Variants in LGR4 observed in about 807,000 individuals in gnomAD.
The protein encoded by LGR4 is leucine-rich repeat-containing G protein-coupled receptor 4.
Under a neutral mutation model 84.8 loss-of-function variants are expected in LGR4, and 44 were observed. The observed-to-expected ratio is 0.52, with a 90% confidence interval of 0.41 to 0.67. LGR4 has a LOEUF of 0.67. Among genes scored for constraint, LGR4 ranks in the 30% least tolerant of loss-of-function variants. The probability of loss-of-function intolerance (pLI) is 0.00; values close to 1 mark genes in which losing one functional copy is unlikely to be tolerated. For synonymous variants in LGR4, 429 were observed against 434.3 expected (o/e 0.99, Z 0.15); for missense variants, 1,032 against 1,131.4 (o/e 0.91, Z 1.26).
intron 17 of LGR4, 94 bp from the exon 18 acceptor site, chr11:27,369,237 G>C: frequency 2.0e-6 from 2 of 996,334 alleles, no homozygotes; most frequent in Non-Finnish European, 2.8e-6. Context: ...TAATGATATA[G>C]ACTAATTAAA....
intron 1 of LGR4, among the ~76,000 whole-genome samples, chr11:27,449,403 C>A (rs1035993982): frequency 2.6e-5 from 4 of 151,852 alleles, no homozygotes; most frequent in African/African-American, 9.7e-5. Context: ...GGCAACACAG[C>A]GAGACACTGT....
chr11:27,383,555 A>T (rs1324013204), intron 6 of LGR4, among the ~76,000 whole-genome samples: 1 of 152,176 alleles, frequency 6.6e-6, no homozygotes, highest in Non-Finnish European at 1.5e-5. Context: ...GAAATAATAG[A>T]GTCCTAAAAG....
chr11:27,381,531 A>C (rs1030064660), intron 7 of LGR4, among the ~76,000 whole-genome samples: 1 of 152,070 alleles, frequency 6.6e-6, no homozygotes, highest in Admixed American at 6.5e-5. Context: ...AAAATTTAAC[A>C]ATTAGCTGGG....
Position 27,366,797 on chromosome 11 carries a change from T to C in LGR4, c.*1070A>G, listed in dbSNP as rs1289780924. Reference sequence around the variant, plus strand: ...ATTGAATAGGCTCTTTTATAAAAAATAGTATGGGGAAGATGTATGGAAATT... The same window carrying C: ...ATTGAATAGGCTCTTTTATAAAAAACAGTATGGGGAAGATGTATGGAAATT... On this transcript the variant is annotated 3_prime_UTR_variant, in exon 18 of 18. Transcript: ENST00000379214. 2 of 152,154 alleles carry C rather than the reference T, an allele frequency of 1.3e-5. No individual in the cohort carries two copies. The highest frequency in any genetic ancestry group is 2.9e-5 in the Non-Finnish European group (2 of 67,974). 9.4% of individuals were successfully genotyped at this position (152,154 alleles called of 1,614,324 possible).
At chr11:27,371,239 A>G (rs1862877350) in intron 17 of LGR4, among the ~76,000 whole-genome samples, 1 of 152,240 alleles carries the variant, frequency 6.6e-6, no homozygotes, top group South Asian at 2.1e-4. Flanking sequence ...AAGTTCAATG[A>G]AGTAAATGAG....
At position 27,472,549 on chromosome 11, in the gene LGR4, C is replaced by G. The variant is rs7946851; in HGVS notation, c.-247G>C. ...GCAGCCCCGCTCCTCCGGCGGCTCACGCCAGCCGGGCCGGCCCGGCGCAGC... is the reference window on the plus strand; with the variant it reads ...GCAGCCCCGCTCCTCCGGCGGCTCAGGCCAGCCGGGCCGGCCCGGCGCAGC... On this transcript the variant is annotated 5_prime_UTR_variant, in exon 1 of 18. Transcript: ENST00000379214. 334,367 of 382,998 alleles carry G rather than the reference C, an allele frequency of 0.87. 147,941 individuals carry two copies. Among genetic ancestry groups the G allele is most frequent in the Non-Finnish European group, 0.94 (203,157 of 216,198 alleles). 23.7% of individuals were successfully genotyped at this position (382,998 alleles called of 1,614,324 possible).
chr11:27,413,144 C>G (rs1306694022), intron 1 of LGR4, among the ~76,000 whole-genome samples: 1 of 152,026 alleles, frequency 6.6e-6, no homozygotes. Flanking sequence ...ATAAGTGGGC[C>G]AGGGTGGCTT....
chr11:27,446,051 C>A (rs904863630), intron 1 of LGR4, among the ~76,000 whole-genome samples: 24 of 152,264 alleles, frequency 1.6e-4, no homozygotes, highest in Middle Eastern at 3.4e-3. Context: ...ATGCAAGGCA[C>A]AAATATAACC....
rs1297671831 is a variant in LGR4 at position 27,472,087 on chromosome 11, C to G, written c.185+31G>C. 35 of 1,279,888 alleles carry G rather than the reference C, an allele frequency of 2.7e-5. 1 individual carries two copies. In the East Asian group the frequency reaches 4.3e-4, roughly 16 times the overall value. 79.3% of individuals were successfully genotyped at this position (1,279,888 alleles called of 1,614,324 possible). ...CCCCCGCTGGGCCCCGTTTCCTCCC[C>G]CCCCCTCGCGTCCCCGCCGCCCGCA... On this transcript the variant is annotated intron_variant, in intron 1 of 17. Transcript: ENST00000379214.
chr11:27,402,345 T>C (rs758910655), intron 2 of LGR4, among the ~76,000 whole-genome samples: 4 of 152,144 alleles, frequency 2.6e-5, no homozygotes, highest in Non-Finnish European at 5.9e-5. Context: ...GGTGCTTTCC[T>C]GTCTGAATAT....
chr11:27,413,164 C>G lies in LGR4; in HGVS notation c.186-304G>C, dbSNP rs565757727. Among the ~76,000 whole-genome samples the G allele has an allele frequency of 2.0e-5, 3 of 152,190 alleles. No individual in the cohort carries two copies. In the South Asian group the frequency reaches 6.2e-4, roughly 32 times the overall value. Reference sequence around the variant, plus strand: ...TGGGCCAGGGTGGCTTCCCAGTGCTCTGGTATTCACAGTACTACCTATACC... The same window carrying G: ...TGGGCCAGGGTGGCTTCCCAGTGCTGTGGTATTCACAGTACTACCTATACC... On this transcript the variant is annotated intron_variant, in intron 1 of 17. Transcript: ENST00000379214.
rs1862931426 is a variant in LGR4, at chr11:27,373,988, G to C, written c.1240C>G (p.Pro414Ala). The change falls in exon 14 of 18, where the codon CCA becomes GCA. Residue 414 changes from proline to alanine, a missense_variant. Physicochemically the swap from Pro to Ala is conservative, Grantham distance 27 (BLOSUM62 -1). Coordinates refer to ENST00000379214, the MANE Select transcript of LGR4 (RefSeq NM_018490.5). ...IHSRAFATLG[P>A]ITNLDVSFNE... ...TCATCCACTTACAGGTTAGTTATTGGCCCAAGTGTGGCAAAAGCTCTACTG... is the reference window on the plus strand; with the variant it reads ...TCATCCACTTACAGGTTAGTTATTGCCCCAAGTGTGGCAAAAGCTCTACTG... 1 of 1,609,136 alleles carries C rather than the reference G, an allele frequency of 6.2e-7. No individual in the cohort carries two copies. Among genetic ancestry groups the C allele is most frequent in the Non-Finnish European group, 8.5e-7 (1 of 1,175,780 alleles).
chr11:27,439,134 A>G (rs946765901), intron 1 of LGR4, among the ~76,000 whole-genome samples: 1 of 152,174 alleles, frequency 6.6e-6, no homozygotes, highest in Non-Finnish European at 1.5e-5. Context: ...TGTACAGTTC[A>G]GTAGCATCCA....
chr11:27,427,316 T>C (rs1254991162), intron 1 of LGR4, among the ~76,000 whole-genome samples: 1 of 151,972 alleles, frequency 6.6e-6, no homozygotes, highest in Non-Finnish European at 1.5e-5. Flanking sequence ...TGTATGCAAG[T>C]AGGGAAAACA....
chr11:27,372,528 G>A (rs144434917), intron 15 of LGR4, 130 bp from the exon 16 acceptor site: 1 of 598,398 alleles, frequency 1.7e-6, no homozygotes, highest in African/African-American at 1.8e-5. Context: ...GCTTTAGGCT[G>A]GTCGTTCATC....
At chr11:27,397,630 C>T (rs1376007796) in intron 2 of LGR4, among the ~76,000 whole-genome samples, 2 of 152,148 alleles carry the variant, frequency 1.3e-5, no homozygotes, top group African/African-American at 4.8e-5. Context: ...GAAAGAACTA[C>T]GTGGCTAAAG....
At chr11:27,443,631 T>G (rs376977525) in intron 1 of LGR4, among the ~76,000 whole-genome samples, 6 of 152,214 alleles carry the variant, frequency 3.9e-5, no homozygotes, top group Non-Finnish European at 8.8e-5. Flanking sequence ...TTTATATACA[T>G]ATACATTGTT....
At chr11:27,373,493 C>G in intron 15 of LGR4, 58 bp downstream of exon 15, 5 of 1,460,028 alleles carry the variant, frequency 3.4e-6, no homozygotes, top group African/African-American at 2.8e-5. Context: ...CCAGGACACT[C>G]TGTAATTTTG....
chr11:27,380,755 A>G (rs759017778), intron 8 of LGR4, 44 bp from the exon 9 acceptor site: 24 of 1,358,520 alleles, frequency 1.8e-5, no homozygotes, highest in Non-Finnish European at 2.5e-5. Flanking sequence ...TATGTTCACA[A>G]GCACTCTAAT....
Sources: allele counts gnomAD v4.1 joint callset (sites outside exome capture counted in the v4.1 genomes callset), GRCh38; gene constraint gnomAD v4.1.1; transcripts MANE v1.5; gene names NCBI Gene and HGNC (gene_info 2026-07-23, HGNC 2026-07-21).